TTLL1: variants seen among roughly 807,000 people sequenced by gnomAD.
The protein encoded by TTLL1 is polyglutamylase complex subunit TTLL1.
In TTLL1, 33 loss-of-function variants were observed where a neutral mutation model predicts 47.8. The observed-to-expected ratio is 0.69, with a 90% CI of 0.52 to 0.92. The LOEUF (loss-of-function observed/expected upper bound fraction) is 0.92, where lower values mean the gene tolerates loss of function less well. Ranked by LOEUF, TTLL1 falls within the 40% of genes least tolerant of loss-of-function variation. The pLI is 0.00. For missense variants in TTLL1, 488 were observed against 547.5 expected (o/e 0.89, Z 1.08); for synonymous variants, 225 against 214.1 (o/e 1.05, Z -0.45).
At chr22:43,068,667 C>T (rs527539804) in intron 4 of TTLL1, 77 bp from the exon 5 acceptor site, 13 of 1,314,466 alleles carry the variant, frequency 9.9e-6, no homozygotes, top group African/African-American at 5.9e-5. Flanking sequence ...TTGCCCTTGC[C>T]TTTCCAGGGC....
chr22:43,086,997 C>G (rs1351563576), intron 1 of TTLL1, among the ~76,000 whole-genome samples: 1 of 152,216 alleles, frequency 6.6e-6, no homozygotes, highest in Admixed American at 6.5e-5. Flanking sequence ...GGCCTTGTCT[C>G]TCACCAACCC....
At chr22:43,084,507 C>A (rs5759151) in intron 1 of TTLL1, among the ~76,000 whole-genome samples, 1 of 150,134 alleles carries the variant, frequency 6.7e-6, no homozygotes, top group Non-Finnish European at 1.5e-5. Context: ...TTCTAGGTTT[C>A]TTTTCTTTTT....
rs574411769 is a variant in TTLL1, at chr22:43,076,621, T to G, written c.-4-1031A>C. Among the ~76,000 whole-genome samples the G allele has an allele frequency of 4.5e-4, 66 of 146,830 alleles. 2 individuals carry two copies. The South Asian group carries it at 6.3e-3, about 14-fold the overall frequency. Reference sequence around the variant, plus strand: ...AAAAAATTAGCCAGGCATGGTGGCATGCGCCTGTAATCCCAGCTACTCGGG... The same window carrying G: ...AAAAAATTAGCCAGGCATGGTGGCAGGCGCCTGTAATCCCAGCTACTCGGG... On this transcript the variant is annotated intron_variant, in intron 2 of 10. Transcript: ENST00000266254.
chr22:43,050,431 A>G (rs1926529921), intron 9 of TTLL1, among the ~76,000 whole-genome samples: 1 of 122,908 alleles, frequency 8.1e-6, no homozygotes, highest in Non-Finnish European at 1.6e-5. Flanking sequence ...CAAAAAAAAA[A>G]AGAAAAGAAA....
intron 8 of TTLL1, among the ~76,000 whole-genome samples, chr22:43,058,478 C>A (rs1927172369): frequency 6.6e-6 from 1 of 152,194 alleles, no homozygotes; most frequent in Non-Finnish European, 1.5e-5. Context: ...GCTGGAAGTC[C>A]ATCTCCAATA....
intron 1 of TTLL1, 97 bp downstream of exon 1, chr22:43,089,180 T>C (rs532649878): frequency 6.6e-6 from 1 of 152,330 alleles, no homozygotes; most frequent in African/African-American, 2.4e-5. Context: ...GCGTAGACAC[T>C]GGCGCCCACA....
At chr22:43,061,023 T>G (rs1927354776) in intron 7 of TTLL1, among the ~76,000 whole-genome samples, 1 of 151,874 alleles carries the variant, frequency 6.6e-6, no homozygotes, top group African/African-American at 2.4e-5. Flanking sequence ...TGGTGAAACC[T>G]CGTCTCTACT....
At chr22:43,052,602 G>A (rs778997786) in intron 8 of TTLL1, among the ~76,000 whole-genome samples, 8 of 152,034 alleles carry the variant, frequency 5.3e-5, no homozygotes, top group Non-Finnish European at 5.9e-5. Flanking sequence ...TTAGCTGGGT[G>A]TGGTGGTATG....
chr22:43,064,480 C>T (rs1346619455), intron 5 of TTLL1, among the ~76,000 whole-genome samples, 156 bp from the exon 6 acceptor site: 1 of 152,166 alleles, frequency 6.6e-6, no homozygotes, highest in African/African-American at 2.4e-5. Context: ...AATCCCAGCA[C>T]TTTGGGAGGC....
At position 43,075,597 on chromosome 22, in the gene TTLL1, GA is replaced by G; in HGVS notation, c.-4-8del. The G allele has an allele frequency of 6.2e-7, 1 of 1,612,178 alleles. No individual in the cohort carries two copies. Among genetic ancestry groups the G allele is most frequent in the Non-Finnish European group, 8.5e-7 (1 of 1,178,222 alleles). On this transcript the variant is annotated splice_region_variant and splice_polypyrimidine_tract_variant and intron_variant, in intron 2 of 10. Coordinates refer to ENST00000266254, the MANE Select transcript of TTLL1 (RefSeq NM_012263.5). Reference sequence around the variant, plus strand: ...TACTTTCCCTGCCATAATCCTGGAAGAGATCAAAATATTAGAGATATGAAAC... The same window carrying G: ...TACTTTCCCTGCCATAATCCTGGAAGGATCAAAATATTAGAGATATGAAAC...
chr22:43,053,310 G>A (rs1362464905), intron 8 of TTLL1, among the ~76,000 whole-genome samples: 1 of 152,200 alleles, frequency 6.6e-6, no homozygotes, highest in East Asian at 1.9e-4. Context: ...ACTCTGGGAA[G>A]GAGACAGCCT....
At chr22:43,050,503 GTTTTTTTTTGTT>G (rs1464695797) in intron 9 of TTLL1, among the ~76,000 whole-genome samples, 1 of 121,950 alleles carries the variant, frequency 8.2e-6, no homozygotes, top group South Asian at 2.5e-4. Flanking sequence ...AGTCACTCTG[GTTTTTTTTTGTT>G]TTTTTTTTTG....
At chr22:43,077,940 C>T (rs1928618739) in intron 2 of TTLL1, among the ~76,000 whole-genome samples, 1 of 151,988 alleles carries the variant, frequency 6.6e-6, no homozygotes, top group Admixed American at 6.6e-5. Context: ...AACCCCATCT[C>T]TACAAAAAAA....
At chr22:43,070,952 G>A (rs1928080297) in intron 3 of TTLL1, among the ~76,000 whole-genome samples, 1 of 152,136 alleles carries the variant, frequency 6.6e-6, no homozygotes, top group East Asian at 1.9e-4. Flanking sequence ...TCGCTCTGTT[G>A]CCCAGGCCGG....
At chr22:43,079,258 A>AC (rs1928722364) in intron 2 of TTLL1, among the ~76,000 whole-genome samples, 1 of 103,054 alleles carries the variant, frequency 9.7e-6, no homozygotes, top group Non-Finnish European at 2.2e-5. Context: ...CATGGGGGCC[A>AC]AGGGAGCCGC....
At chr22:43,062,651 G>C (rs956619210) in intron 7 of TTLL1, among the ~76,000 whole-genome samples, 25 of 151,954 alleles carry the variant, frequency 1.6e-4, no homozygotes, top group African/African-American at 6.0e-4. Flanking sequence ...CCAACATGGT[G>C]AAACCCCATC....
At chr22:43,077,080 GAC>G (rs932420693) in intron 2 of TTLL1, among the ~76,000 whole-genome samples, 3 of 151,888 alleles carry the variant, frequency 2.0e-5, no homozygotes, top group Non-Finnish European at 4.4e-5. Context: ...CAGCCTGGGT[GAC>G]AGAGTGAGAC....
At chr22:43,050,770 G>A (rs545026696) in intron 9 of TTLL1, among the ~76,000 whole-genome samples, 60 of 152,122 alleles carry the variant, frequency 3.9e-4, no homozygotes, top group Non-Finnish European at 7.5e-4. Flanking sequence ...TGATCCACCC[G>A]CCTTGGCTTT....
At chr22:43,085,075 C>T (rs1051713185) in intron 1 of TTLL1, among the ~76,000 whole-genome samples, 2 of 146,518 alleles carry the variant, frequency 1.4e-5, no homozygotes, top group African/African-American at 5.1e-5. Flanking sequence ...TCAAGTGATT[C>T]AAGCGATTCT....
Sources: allele counts gnomAD v4.1 joint callset (sites outside exome capture counted in the v4.1 genomes callset), GRCh38; gene constraint gnomAD v4.1.1; transcripts MANE v1.5; gene names NCBI Gene and HGNC (gene_info 2026-07-23, HGNC 2026-07-21).